The following RAI14 variants were observed in gnomAD, a reference collection of about 807,000 sequenced individuals.
RAI14 encodes the protein ankycorbin.
In RAI14, 45 loss-of-function variants were observed where a neutral mutation model predicts 115.4. The observed-to-expected ratio is 0.39, with a 90% CI of 0.31 to 0.50. RAI14 has a LOEUF of 0.50. Ranked by LOEUF, RAI14 falls within the 20% of genes least tolerant of loss-of-function variation. The pLI, the probability that RAI14 is intolerant of heterozygous loss-of-function variation, is 0.85. For missense variants in RAI14, 939 were observed against 1,131.2 expected, an observed-to-expected ratio of 0.83 and a Z score of 2.44; for synonymous variants, 371 against 415.4, an observed-to-expected ratio of 0.89 and a Z score of 1.30.
chr5:34,713,445 T>G (rs35714473), intron 2 of RAI14, among the ~76,000 whole-genome samples: 34,135 of 152,056 alleles, frequency 0.22, 4,284 homozygotes, highest in Middle Eastern at 0.32. Context: ...TAGCCGGTCT[T>G]GAACTTCTGG....
intron 1 of RAI14, among the ~76,000 whole-genome samples, chr5:34,681,708 A>G (rs1019741742): frequency 1.3e-5 from 2 of 151,858 alleles, no homozygotes; most frequent in South Asian, 4.2e-4. Flanking sequence ...TCTGGTGCCC[A>G]GGCTGGTCTT....
chr5:34,708,133 G>T (rs1205194217), intron 2 of RAI14, among the ~76,000 whole-genome samples: 5 of 151,592 alleles, frequency 3.3e-5, no homozygotes, highest in Admixed American at 3.3e-4. Flanking sequence ...TAAATATAAA[G>T]ATATAATTTA....
At chr5:34,766,560 C>T (rs1252811205) in intron 3 of RAI14, among the ~76,000 whole-genome samples, 2 of 152,186 alleles carry the variant, frequency 1.3e-5, no homozygotes, top group Non-Finnish European at 2.9e-5. Flanking sequence ...TGCCCAATAC[C>T]TGTACCCCCA....
At chr5:34,783,299 C>T (rs992870501) in intron 3 of RAI14, among the ~76,000 whole-genome samples, 1 of 152,156 alleles carries the variant, frequency 6.6e-6, no homozygotes, top group Non-Finnish European at 1.5e-5. Context: ...GGGTGTTGCT[C>T]ATGACAGTTG....
intron 2 of RAI14, among the ~76,000 whole-genome samples, chr5:34,735,326 A>G (rs1744732648): frequency 1.3e-5 from 2 of 152,208 alleles, no homozygotes; most frequent in African/African-American, 2.4e-5. Context: ...AAGTTTTGTA[A>G]AGAAATTATA....
intron 2 of RAI14, among the ~76,000 whole-genome samples, chr5:34,706,854 C>T (rs1030557903): frequency 2.0e-5 from 3 of 152,088 alleles, no homozygotes; most frequent in African/African-American, 4.8e-5. Flanking sequence ...GAAAAATAGC[C>T]CTTTTCTACC....
chr5:34,823,590 AT>A lies in RAI14; in HGVS notation c.1750del (p.Cys584AlafsTer7). 1 of 1,614,246 alleles carries A rather than the reference AT, an allele frequency of 6.2e-7. No individual in the cohort carries two copies. The highest frequency in any genetic ancestry group is 8.5e-7 in the Non-Finnish European group (1 of 1,180,040). ...GAGTACGAGGAAATGAAAAGTTCAT[AT>A]TGCTCTGTTATTGAGAATATGAATA... ...VEEYEEMKSSYCSVIENMNKE... is the reference protein window; with the variant it reads ...VEEYEEMKSSXCSVIENMNKE... On this transcript the variant is annotated frameshift_variant, in exon 15 of 18. Coordinates refer to ENST00000265109, the MANE Select transcript of RAI14 (RefSeq NM_015577.3). LOFTEE classifies it high-confidence loss of function. This position sits in a 1 kb window ranked among gnomAD's most constrained non-coding sequence, Gnocchi z 4.5.
At chr5:34,799,685 ATTTTTTTTTTTTTT>A (rs57115550) in intron 4 of RAI14, among the ~76,000 whole-genome samples, 1 of 103,414 alleles carries the variant, frequency 9.7e-6, no homozygotes, top group African/African-American at 3.9e-5. Context: ...ATCTGTTAGC[ATTTTTTTTTTTTTT>A]TTTTTTTTGA....
At chr5:34,755,819 A>G (rs905965559) in intron 2 of RAI14, among the ~76,000 whole-genome samples, 2 of 152,182 alleles carry the variant, frequency 1.3e-5, no homozygotes, top group South Asian at 2.1e-4. Flanking sequence ...GGAATTTTAT[A>G]TAATAAGAAT....
Position 34,766,331 on chromosome 5 carries a change from G to A in RAI14, c.167+8733G>A, listed in dbSNP as rs531214102. ...CACTCAACACCAGCCCGTGAGAGCA[G>A]CTGGGAGGGAGCCTGTACACTGCAA... On this transcript the variant is annotated intron_variant, in intron 3 of 17. Transcript: ENST00000265109. Among the ~76,000 whole-genome samples, 5 of 152,342 alleles carry A rather than the reference G, an allele frequency of 3.3e-5. No homozygotes were observed. In the East Asian group the frequency reaches 9.7e-4, roughly 29 times the overall value.
chr5:34,801,844 G>A (rs1754309827), intron 4 of RAI14, among the ~76,000 whole-genome samples: 1 of 152,186 alleles, frequency 6.6e-6, no homozygotes, highest in African/African-American at 2.4e-5. Flanking sequence ...GCCGAGGCAG[G>A]AGGATTGCTT....
intron 11 of RAI14, among the ~76,000 whole-genome samples, chr5:34,814,374 G>A (rs1481792106): frequency 2.0e-5 from 3 of 152,138 alleles, no homozygotes; most frequent in Non-Finnish European, 4.4e-5. Context: ...TTCTAATATA[G>A]GAGCACAGTT....
intron 13 of RAI14, 92 bp from the exon 14 acceptor site, chr5:34,821,640 G>A (rs1756841860): frequency 2.6e-6 from 2 of 766,298 alleles, no homozygotes; most frequent in Admixed American, 4.5e-5. Flanking sequence ...CCAGGAAGAA[G>A]AACTGGATTA....
intron 2 of RAI14, among the ~76,000 whole-genome samples, chr5:34,742,569 TAGAG>T (rs948800609): frequency 3.9e-5 from 6 of 152,122 alleles, no homozygotes; most frequent in Admixed American, 3.9e-4. Context: ...GTGAAAAACA[TAGAG>T]AGGTAGATTT....
At chr5:34,819,386 A>T (rs1295520175) in intron 13 of RAI14, among the ~76,000 whole-genome samples, 2 of 152,184 alleles carry the variant, frequency 1.3e-5, no homozygotes, top group Non-Finnish European at 2.9e-5. Context: ...TGTCTGCTAA[A>T]CGCGTTCTTT....
chr5:34,663,399 C>T (rs981352596), intron 1 of RAI14, among the ~76,000 whole-genome samples: 2 of 151,988 alleles, frequency 1.3e-5, no homozygotes, highest in Admixed American at 1.3e-4. Flanking sequence ...TCCTGTAGTC[C>T]CAGCTACTCA....
intron 2 of RAI14, among the ~76,000 whole-genome samples, chr5:34,735,617 A>G (rs1442410439): frequency 1.3e-5 from 2 of 152,276 alleles, no homozygotes; most frequent in Non-Finnish European, 2.9e-5. Flanking sequence ...AAGTTGTTGT[A>G]GTCATCATCT....
In RAI14 at chr5:34,821,725, TC is replaced by T; in HGVS notation, c.995-4del. 6.6e-7 allele frequency: 1 copy of T among 1,505,980 alleles called. No homozygotes were observed. Among genetic ancestry groups the T allele is most frequent in the Non-Finnish European group, 9.2e-7 (1 of 1,084,176 alleles). 93.3% of individuals were successfully genotyped at this position (1,505,980 alleles called of 1,614,324 possible). A position where few individuals can be genotyped will look rare whatever the true frequency, so the allele number is the denominator to read the frequency against. On this transcript the variant is annotated splice_region_variant and splice_polypyrimidine_tract_variant and intron_variant, in intron 13 of 17. Coordinates refer to ENST00000265109, the MANE Select transcript of RAI14 (RefSeq NM_015577.3). Reference sequence around the variant, plus strand: ...TTTATATTTTAAATGGCTTTCTCTTTCCCAAGGTGCTGATAGCTTATTGGAT... The same window carrying T: ...TTTATATTTTAAATGGCTTTCTCTTTCCAAGGTGCTGATAGCTTATTGGAT...
At position 34,687,545 on chromosome 5, in the gene RAI14, C is replaced by T. The variant is rs540816905; in HGVS notation, c.36+590C>T. The T allele has an allele frequency of 9.9e-6, 14 of 1,419,360 alleles. No homozygotes were observed. In the East Asian group the frequency reaches 3.1e-4, roughly 31 times the overall value. 87.9% of individuals were successfully genotyped at this position (1,419,360 alleles called of 1,614,324 possible). A position where few individuals can be genotyped will look rare whatever the true frequency, so the allele number is the denominator to read the frequency against. ...ATGTCAGAGTTATGAAATAAAGTCT[C>T]CCCCAGGAGAAGAGGGAGAAAAACA... On this transcript the variant is annotated intron_variant, in intron 2 of 17. Coordinates refer to ENST00000265109, the MANE Select transcript of RAI14 (RefSeq NM_015577.3).
Sources: gnomAD v4.1 joint callset for allele counts (sites outside exome capture counted in the v4.1 genomes callset) on GRCh38, gnomAD v4.1.1 for gene constraint, Gnocchi (gnomAD v3.1) non-coding constraint, MANE v1.5 for transcripts, NCBI Gene and HGNC (gene_info 2026-07-23, HGNC 2026-07-21) for gene names.